TMEM67: variants seen among roughly 807,000 people sequenced by gnomAD.
TMEM67 encodes the protein meckelin.
TMEM67 carries 124 observed loss-of-function variants against 136.6 expected under a neutral mutation model. The ratio of observed to expected loss-of-function variants is 0.91; its 90% CI spans 0.78 to 1.05. The LOEUF is 1.05. Among genes scored for constraint, TMEM67 ranks in the 50% least tolerant of loss-of-function variants. The pLI, the probability that TMEM67 is intolerant of heterozygous loss-of-function variation, is 0.00. For synonymous variants in TMEM67, 364 were observed against 390.5 expected, an observed-to-expected ratio of 0.93 and a Z score of 0.80; for missense variants, 1,107 against 1,178.4, an observed-to-expected ratio of 0.94 and a Z score of 0.89.
chr8:93,788,033 C>G (rs1814194935), intron 14 of TMEM67, 84 bp downstream of exon 14: 3 of 777,230 alleles, frequency 3.9e-6, no homozygotes, highest in Non-Finnish European at 2.1e-6. Flanking sequence ...AAAAGACAGT[C>G]TTTTTTTTTT....
intron 23 of TMEM67, among the ~76,000 whole-genome samples, chr8:93,806,840 C>A (rs1421599423): frequency 6.6e-6 from 1 of 151,604 alleles, no homozygotes; most frequent in Non-Finnish European, 1.5e-5. Context: ...TAGAAATCAT[C>A]AAAAAGGGAA....
chr8:93,755,727 T>C, intron 1 of TMEM67, 51 bp from the exon 2 acceptor site: 1 of 1,258,460 alleles, frequency 7.9e-7, no homozygotes, highest in Non-Finnish European at 1.1e-6. Context: ...GAACTTTATT[T>C]TTATTTATCA....
chr8:93,789,670 ATT>A (rs144356440), intron 14 of TMEM67, among the ~76,000 whole-genome samples: 20 of 138,174 alleles, frequency 1.4e-4, no homozygotes, highest in African/African-American at 4.5e-4. Context: ...ATATATATAT[ATT>A]TTTTTTTTAA....
the TMEM67 span, among the ~76,000 whole-genome samples, chr8:93,832,395 C>A: frequency 6.6e-6 from 1 of 152,252 alleles, no homozygotes; most frequent in Non-Finnish European, 1.5e-5. Flanking sequence ...ACTCCACCAT[C>A]TCTCTACTTT....
At chr8:93,775,386 G>A (rs1332937549) in intron 7 of TMEM67, among the ~76,000 whole-genome samples, 1 of 152,180 alleles carries the variant, frequency 6.6e-6, no homozygotes, top group Non-Finnish European at 1.5e-5. Context: ...TTTGGCTTTT[G>A]TTGCCATTGC....
chr8:93,766,461 T>C (rs990646363), intron 6 of TMEM67, among the ~76,000 whole-genome samples: 1 of 152,124 alleles, frequency 6.6e-6, no homozygotes, highest in Non-Finnish European at 1.5e-5. Context: ...GGCCTAGAGT[T>C]AGAGCTTTGG....
intron 6 of TMEM67, chr8:93,769,644 G>C (rs1382693777): frequency 6.0e-6 from 1 of 167,074 alleles, no homozygotes; most frequent in Non-Finnish European, 1.5e-5. Flanking sequence ...AAGATGGTTT[G>C]ACTACCCTTG....
At chr8:93,803,900 G>A (rs369994932) in intron 22 of TMEM67, among the ~76,000 whole-genome samples, 9 of 147,026 alleles carry the variant, frequency 6.1e-5, no homozygotes, top group South Asian at 2.1e-4. Context: ...TTTTTGAAAC[G>A]GTCTTGCTCC....
intron 2 of TMEM67, 133 bp downstream of exon 2, chr8:93,755,999 C>A: frequency 1.8e-6 from 1 of 567,788 alleles, no homozygotes; most frequent in Non-Finnish European, 3.0e-6. Flanking sequence ...TTTATTTTTA[C>A]TAGAGTAAGT....
At chr8:93,809,260 A>G in intron 25 of TMEM67, 99 bp downstream of exon 25, 1 of 772,586 alleles carries the variant, frequency 1.3e-6, no homozygotes, top group South Asian at 1.4e-5. Flanking sequence ...CCAAGTCAGT[A>G]AACTTAGAAC....
At chr8:93,820,014 G>GT (rs1809018170), downstream of TMEM67, among the ~76,000 whole-genome samples, 1 of 152,048 alleles carries the variant, frequency 6.6e-6, no homozygotes, top group Admixed American at 6.6e-5. Flanking sequence ...CCAGGACCAG[G>GT]TAACGGGCAA....
chr8:93,789,993 G>A (rs1426992972), intron 14 of TMEM67, among the ~76,000 whole-genome samples: 1 of 151,736 alleles, frequency 6.6e-6, no homozygotes, highest in Non-Finnish European at 1.5e-5. Context: ...CAGGAGAATC[G>A]CTTGAACCTG....
In TMEM67 at chr8:93,781,659, A is replaced by G; in HGVS notation, c.980A>G (p.Asn327Ser). The stretch of plus-strand genomic sequence containing the variant: ...ATTTTGCTCGTTTTCTTTAATCAGA[A>G]TACAAAACTGAAGTTTGTTGCTGCT... Reference protein sequence around the residue: ...TNFSFKGENQNTKLKFVAASY... With the variant: ...TNFSFKGENQSTKLKFVAASY... The change falls in exon 10 of 28, where the codon AAT becomes AGT. Residue 327 changes from asparagine to serine, a missense_variant and splice_region_variant. Physicochemically the swap from Asn to Ser is conservative, Grantham distance 46. Transcript: ENST00000453321. The G allele has an allele frequency of 6.3e-7, 1 of 1,576,280 alleles. No individual in the cohort carries two copies. Among genetic ancestry groups the G allele is most frequent in the Non-Finnish European group, 8.7e-7 (1 of 1,150,146 alleles).
At chr8:93,823,548 G>T (rs1809070028), downstream of TMEM67, among the ~76,000 whole-genome samples, 1 of 152,110 alleles carries the variant, frequency 6.6e-6, no homozygotes, top group Non-Finnish European at 1.5e-5. Flanking sequence ...CTGTGAAAGG[G>T]ATACTTTAAC....
At position 93,799,679 on chromosome 8, in the gene TMEM67, CT is replaced by C. The variant is rs1563474005; in HGVS notation, c.2163del (p.Ser722AlafsTer3). The part of the protein sequence containing the change: ...DSSSSLSRNP[P>X]SYIAPYSCIL... ...TCTTCTAGTCTTTCTAGAAACCCAC[CT>C]AGCTACATAGCTCCTTATAGCTGCA... On this transcript the variant is annotated frameshift_variant, in exon 21 of 28. Transcript: ENST00000453321. LOFTEE classifies it high-confidence loss of function. The C allele has an allele frequency of 2.5e-6, 4 of 1,613,660 alleles. No homozygotes were observed. The highest frequency in any genetic ancestry group is 3.4e-6 in the Non-Finnish European group (4 of 1,179,680).
chr8:93,760,849 AAAGT>A (rs748728420), intron 3 of TMEM67, among the ~76,000 whole-genome samples: 2 of 152,198 alleles, frequency 1.3e-5, no homozygotes, highest in African/African-American at 4.8e-5. Context: ...CAGATAAATA[AAAGT>A]AAGATGAATA....
intron 21 of TMEM67, among the ~76,000 whole-genome samples, chr8:93,801,400 A>AT (rs56967457): frequency 0.055 from 7,681 of 139,686 alleles, 243 homozygotes; most frequent in African/African-American, 0.078. Context: ...ACACCCAGCA[A>AT]TTTTTTTTTT....
In TMEM67 at chr8:93,776,135, C is replaced by T. The variant is rs551500908; in HGVS notation, c.714+3484C>T. On this transcript the variant is annotated intron_variant, in intron 7 of 27. Transcript: ENST00000453321. ...TAGGAATTGTGAATGGGAGTTCACT[C>T]ATGATTTGGCTCTCTTTTTGTCTGT... Among the ~76,000 whole-genome samples, 46 of 152,272 alleles carry T rather than the reference C, an allele frequency of 3.0e-4. No homozygotes were observed. In the South Asian group the frequency reaches 9.3e-3, roughly 31 times the overall value.
chr8:93,784,867 A>G (rs1260424539), intron 11 of TMEM67, among the ~76,000 whole-genome samples: 1 of 152,208 alleles, frequency 6.6e-6, no homozygotes, highest in Non-Finnish European at 1.5e-5. Flanking sequence ...TTGGGAATTT[A>G]TCCCGTAGGA....
Sources: allele counts gnomAD v4.1 joint callset (sites outside exome capture counted in the v4.1 genomes callset), GRCh38; gene constraint gnomAD v4.1.1; transcripts MANE v1.5; gene names NCBI Gene and HGNC (gene_info 2026-07-23, HGNC 2026-07-21).